Variants in INPP5A observed in about 807,000 individuals in gnomAD.
The protein encoded by INPP5A is inositol polyphosphate-5-phosphatase A.
A neutral mutation model predicts 65.2 loss-of-function variants in INPP5A; 14 were observed. That is an observed-to-expected ratio of 0.21 (90% CI 0.14 to 0.34). The LOEUF (loss-of-function observed/expected upper bound fraction) is 0.34. Ranked by LOEUF, INPP5A falls within the 10% of genes least tolerant of loss-of-function variation. INPP5A has a pLI of 1.00. For missense variants in INPP5A, 431 were observed against 545.6 expected, an observed-to-expected ratio of 0.79 and a Z score of 2.09; for synonymous variants, 207 against 208.3, an observed-to-expected ratio of 0.99 and a Z score of 0.05.
intron 9 of INPP5A, among the ~76,000 whole-genome samples, chr10:132,731,256 C>T (rs1294344137): frequency 1.3e-5 from 2 of 151,848 alleles, no homozygotes; most frequent in Non-Finnish European, 2.9e-5. Flanking sequence ...TATCAGGCAC[C>T]CCTCCTGCGT....
intron 8 of INPP5A, among the ~76,000 whole-genome samples, chr10:132,713,701 C>A (rs1413101465): frequency 6.6e-6 from 1 of 152,168 alleles, no homozygotes. Flanking sequence ...CGTGGCCACA[C>A]ACTGAGGCCG....
intron 2 of INPP5A, among the ~76,000 whole-genome samples, chr10:132,640,334 AGC>A (rs1469530826): frequency 6.6e-6 from 1 of 152,230 alleles, no homozygotes; most frequent in Non-Finnish European, 1.5e-5. Flanking sequence ...TGGAGACTCA[AGC>A]GGCTTCATAC....
intron 9 of INPP5A, among the ~76,000 whole-genome samples, chr10:132,736,124 A>G (rs12259688): frequency 0.19 from 29,446 of 152,264 alleles, 2,966 homozygotes; most frequent in Non-Finnish European, 0.23. Context: ...GAAACACGCC[A>G]GTCGTGTGCC....
intron 2 of INPP5A, among the ~76,000 whole-genome samples, chr10:132,611,747 T>C (rs560706902): frequency 2.1e-5 from 1 of 46,628 alleles, no homozygotes; most frequent in East Asian, 7.0e-4. Flanking sequence ...GAGGAGTTCA[T>C]GGGAGAGGCC....
intron 1 of INPP5A, among the ~76,000 whole-genome samples, chr10:132,544,583 C>T (rs995069321): frequency 6.6e-6 from 1 of 152,198 alleles, no homozygotes; most frequent in Admixed American, 6.5e-5. Flanking sequence ...GGTCCCGGCC[C>T]TGGCTGCAGG....
chr10:132,688,896 GAGCA>G (rs1186341014), intron 4 of INPP5A, among the ~76,000 whole-genome samples: 3 of 151,950 alleles, frequency 2.0e-5, no homozygotes, highest in Non-Finnish European at 4.4e-5. Flanking sequence ...GCAAGTGGGA[GAGCA>G]AGCACGTGAG....
At chr10:132,570,758 C>G (rs567225913) in intron 1 of INPP5A, among the ~76,000 whole-genome samples, 10 of 152,182 alleles carry the variant, frequency 6.6e-5, no homozygotes, top group Non-Finnish European at 1.5e-4. Flanking sequence ...GACACCCATA[C>G]GGTGGTGACA....
At chr10:132,611,634 G>A (rs1271103888) in intron 2 of INPP5A, among the ~76,000 whole-genome samples, 3 of 137,246 alleles carry the variant, frequency 2.2e-5, no homozygotes, top group Non-Finnish European at 1.6e-5. Flanking sequence ...TGTCAGGGGA[G>A]GGTGAGGGAG....
At chr10:132,735,201 C>G (rs1471856638) in intron 9 of INPP5A, among the ~76,000 whole-genome samples, 1 of 152,204 alleles carries the variant, frequency 6.6e-6, no homozygotes, top group African/African-American at 2.4e-5. Flanking sequence ...CACGTTGGTA[C>G]CTGCAGTCTG....
In INPP5A at chr10:132,627,728, C is replaced by T. The variant is rs186922731; in HGVS notation, c.118-18140C>T. Among the ~76,000 whole-genome samples the T allele has an allele frequency of 1.1e-3, 174 of 152,244 alleles. 1 individual carries two copies. The highest frequency in any genetic ancestry group is 3.9e-3 in the African/African-American group (161 of 41,528). ...TGAGAGGCGAGACAGGGGATGCAGA[C>T]GGGTAGATGCCACAGGGCCTCCTCT... On this transcript the variant is annotated intron_variant, in intron 2 of 15. Coordinates refer to ENST00000368594, the MANE Select transcript of INPP5A (RefSeq NM_005539.5). This position sits in a 1 kb window ranked among gnomAD's most constrained non-coding sequence, Gnocchi z 6.6.
chr10:132,673,955 ATG>A (rs1329008112), intron 4 of INPP5A, among the ~76,000 whole-genome samples: 1 of 152,204 alleles, frequency 6.6e-6, no homozygotes, highest in Admixed American at 6.5e-5. Flanking sequence ...GCGGAAGCTC[ATG>A]TTGCCGAGCC....
rs188889738 is a variant in INPP5A at position 132,577,228 on chromosome 10, C to A, written c.76-30687C>A. The stretch of plus-strand genomic sequence containing the variant: ...CTGAGTGCAGGTGGGTTGCTCCCCC[C>A]CGGCACGCCGCCCGTGGTGCATCAC... On this transcript the variant is annotated intron_variant, in intron 1 of 15. Transcript: ENST00000368594. 8.3e-3 allele frequency among the ~76,000 whole-genome samples: 1,263 copies of A among 152,278 alleles called. 14 individuals are homozygous for A. Among genetic ancestry groups the A allele is most frequent in the African/African-American group, 0.029 (1,197 of 41,556 alleles).
chr10:132,727,939 C>A lies in INPP5A; in HGVS notation c.732+1034C>A, dbSNP rs1846014811. The stretch of plus-strand genomic sequence containing the variant: ...TATCTTCCCATTTTAGTCTCCAGTT[C>A]CAAACACCCACACGTATTCATCTTC... On this transcript the variant is annotated intron_variant, in intron 9 of 15. Coordinates refer to ENST00000368594, the MANE Select transcript of INPP5A (RefSeq NM_005539.5). The surrounding 1 kb of genome is among the most constrained non-coding windows in gnomAD (Gnocchi z 6.5). Among the ~76,000 whole-genome samples, 1 of 152,138 alleles carries A rather than the reference C, an allele frequency of 6.6e-6. No individual in the cohort carries two copies. Among genetic ancestry groups the A allele is most frequent in the Non-Finnish European group, 1.5e-5 (1 of 68,018 alleles).
At chr10:132,580,490 C>T (rs887483534) in intron 1 of INPP5A, among the ~76,000 whole-genome samples, 1 of 152,170 alleles carries the variant, frequency 6.6e-6, no homozygotes, top group African/African-American at 2.4e-5. Flanking sequence ...AGTGCAACCT[C>T]TATTCTCCAT....
chr10:132,778,302 A>ATTTT (rs57172206), intron 13 of INPP5A, among the ~76,000 whole-genome samples: 66 of 72,960 alleles, frequency 9.0e-4, no homozygotes, highest in East Asian at 2.0e-3. Context: ...TTTAATAATA[A>ATTTT]TTTTTTTTTT....
chr10:132,728,363 G>T (rs1029663743), intron 9 of INPP5A, among the ~76,000 whole-genome samples: 1 of 152,216 alleles, frequency 6.6e-6, no homozygotes, highest in Non-Finnish European at 1.5e-5. Context: ...CATCCCACAG[G>T]CTCGGTGAGG....
intron 1 of INPP5A, among the ~76,000 whole-genome samples, chr10:132,596,212 G>C (rs1170902180): frequency 6.6e-6 from 1 of 152,206 alleles, no homozygotes; most frequent in East Asian, 1.9e-4. Flanking sequence ...CCATCACCCA[G>C]TGGGACAGCT....
At chr10:132,647,695 C>T (rs2133394194) in intron 3 of INPP5A, among the ~76,000 whole-genome samples, 1 of 152,268 alleles carries the variant, frequency 6.6e-6, no homozygotes, top group African/African-American at 2.4e-5. Context: ...ACCCTCGCGG[C>T]TGCCTTGGAG....
intron 4 of INPP5A, among the ~76,000 whole-genome samples, chr10:132,662,525 T>C (rs995842288): frequency 6.6e-6 from 1 of 152,190 alleles, no homozygotes; most frequent in African/African-American, 2.4e-5. Context: ...TTCATGTATA[T>C]CATATTCTTA....
Sources: gnomAD v4.1 joint callset for allele counts (sites outside exome capture counted in the v4.1 genomes callset) on GRCh38, gnomAD v4.1.1 for gene constraint, Gnocchi (gnomAD v3.1) non-coding constraint, MANE v1.5 for transcripts, NCBI Gene and HGNC (gene_info 2026-07-23, HGNC 2026-07-21) for gene names.